Variants in RYR2 observed in about 807,000 individuals in gnomAD.
RYR2 encodes ryanodine receptor 2.
Under a neutral mutation model 601.1 loss-of-function variants are expected in RYR2, and 227 were observed. The observed-to-expected ratio is 0.38, with a 90% CI of 0.34 to 0.42. The LOEUF is 0.42. Among genes scored for constraint, RYR2 ranks in the 10% least tolerant of loss-of-function variants. The pLI is 1.00. For synonymous variants in RYR2, 2,223 were observed against 2,175.1 expected (o/e 1.02, Z -0.61); for missense variants, 4,646 against 6,156.5 (o/e 0.75, Z 8.21).
intron 1 of RYR2, among the ~76,000 whole-genome samples, chr1:237,253,856 C>T (rs1472998664): frequency 6.6e-6 from 1 of 152,094 alleles, no homozygotes; most frequent in Admixed American, 6.5e-5. Flanking sequence ...AGATGATAAT[C>T]AACATGTTAA....
chr1:237,683,239 G>T (rs1398813126), intron 62 of RYR2, among the ~76,000 whole-genome samples: 2 of 152,324 alleles, frequency 1.3e-5, no homozygotes, highest in African/African-American at 4.8e-5. Context: ...AGCAATAGTT[G>T]TGTGGGTTTG....
At chr1:237,744,782 T>A (rs1184460542) in intron 80 of RYR2, among the ~76,000 whole-genome samples, 1 of 151,724 alleles carries the variant, frequency 6.6e-6, no homozygotes, top group African/African-American at 2.4e-5. Flanking sequence ...GAAGAAACTA[T>A]TTTAAAATTC....
chr1:237,397,563 A>C (rs1256466830), intron 10 of RYR2, among the ~76,000 whole-genome samples: 1 of 152,158 alleles, frequency 6.6e-6, no homozygotes, highest in East Asian at 1.9e-4. Flanking sequence ...TTTAATCTGC[A>C]ACTTGTTAAA....
At chr1:237,546,847 G>A (rs931757127) in intron 25 of RYR2, among the ~76,000 whole-genome samples, 3 of 151,436 alleles carry the variant, frequency 2.0e-5, no homozygotes, top group Non-Finnish European at 4.4e-5. Flanking sequence ...ACTATTCTAG[G>A]TGCTGGGGGG....
intron 35 of RYR2, among the ~76,000 whole-genome samples, chr1:237,607,540 A>G (rs1037093674): frequency 1.4e-4 from 21 of 152,190 alleles, no homozygotes; most frequent in Non-Finnish European, 3.1e-4. Context: ...AAACCTGCAC[A>G]TTGTGCACAT....
chr1:237,442,281 A>G (rs1421679653), intron 13 of RYR2, among the ~76,000 whole-genome samples: 4 of 152,224 alleles, frequency 2.6e-5, no homozygotes, highest in South Asian at 2.1e-4. Flanking sequence ...TGGTTCTTCT[A>G]CTAGATTTAG....
rs72549416 is a variant in RYR2, at chr1:237,648,466, C to T, written c.7365C>T (p.Asp2455=). 5.4e-3 allele frequency: 8,679 copies of T among 1,608,896 alleles called. 19 individuals are homozygous for T. The highest frequency in any genetic ancestry group is 6.4e-3 in the Non-Finnish European group (7,573 of 1,177,404). The part of the protein sequence containing the change: ...IAKDGNVVEP[D]MSAGFCPDHK... ...TAGATGGGAATGTGGTGGAACCTGACATGTCTGCGGGGTTTTGCCCAGATC... is the reference window on the plus strand; with the variant it reads ...TAGATGGGAATGTGGTGGAACCTGATATGTCTGCGGGGTTTTGCCCAGATC... Residue 2455 remains aspartate, a synonymous_variant, in exon 49 of 105, where the codon GAC becomes GAT. Coordinates refer to ENST00000366574, the MANE Select transcript of RYR2 (RefSeq NM_001035.3).
chr1:237,672,354 G>A (rs929324220), intron 58 of RYR2, among the ~76,000 whole-genome samples: 2 of 152,152 alleles, frequency 1.3e-5, no homozygotes, highest in African/African-American at 4.8e-5. Flanking sequence ...AAATTAAGTT[G>A]CCAAATTAAT....
At chr1:237,449,144 G>C (rs1012392134) in intron 14 of RYR2, among the ~76,000 whole-genome samples, 1 of 152,082 alleles carries the variant, frequency 6.6e-6, no homozygotes, top group Non-Finnish European at 1.5e-5. Flanking sequence ...AGAACACTTT[G>C]TCATTGTCCC....
intron 98 of RYR2, chr1:237,802,287 T>A (rs1445020710): frequency 1.3e-5 from 2 of 159,300 alleles, no homozygotes; most frequent in Non-Finnish European, 2.7e-5. Context: ...ATTAAGTACA[T>A]TAACTTATGG....
At chr1:237,652,484 C>A (rs1036261850) in intron 51 of RYR2, among the ~76,000 whole-genome samples, 3 of 152,048 alleles carry the variant, frequency 2.0e-5, no homozygotes, top group African/African-American at 7.2e-5. Flanking sequence ...TCCCCAATGG[C>A]TACCCAGTAC....
At chr1:237,530,342 G>C in intron 24 of RYR2, 85 bp from the exon 25 acceptor site, 2 of 925,386 alleles carry the variant, frequency 2.2e-6, no homozygotes, top group South Asian at 2.9e-5. Flanking sequence ...TTTCAAGGTT[G>C]TATCTCATTG....
At chr1:237,516,552 C>T (rs562706243) in intron 24 of RYR2, among the ~76,000 whole-genome samples, 20 of 152,324 alleles carry the variant, frequency 1.3e-4, no homozygotes, top group Admixed American at 8.5e-4. Flanking sequence ...GCTGATACCT[C>T]CCCAAATATC....
intron 1 of RYR2, among the ~76,000 whole-genome samples, chr1:237,109,242 C>T (rs1572664559): frequency 1.3e-5 from 2 of 151,140 alleles, no homozygotes; most frequent in African/African-American, 4.9e-5. Context: ...GAAATAATTA[C>T]AGTCATAGGT....
At chr1:237,493,674 G>T (rs568087809) in intron 19 of RYR2, among the ~76,000 whole-genome samples, 2 of 152,232 alleles carry the variant, frequency 1.3e-5, no homozygotes, top group African/African-American at 4.8e-5. Flanking sequence ...GGATGGTCTC[G>T]AACTCCTGAC....
chr1:237,264,676 GTTTATTT>G (rs1450059113), intron 1 of RYR2, among the ~76,000 whole-genome samples: 2 of 150,728 alleles, frequency 1.3e-5, no homozygotes, highest in African/African-American at 4.9e-5. Context: ...AACAGACTCA[GTTTATTT>G]TTTATTATTA....
At chr1:237,594,904 T>TTG (rs1675683874) in intron 33 of RYR2, among the ~76,000 whole-genome samples, 6 of 52,648 alleles carry the variant, frequency 1.1e-4, no homozygotes, top group Middle Eastern at 7.8e-3. Flanking sequence ...TTTTTTTTTT[T>TTG]TTTTTTTTTT....
intron 12 of RYR2, among the ~76,000 whole-genome samples, chr1:237,426,131 A>G (rs763197675): frequency 2.8e-4 from 42 of 152,072 alleles, no homozygotes; most frequent in Non-Finnish European, 4.3e-4. Flanking sequence ...AATTCTGAAA[A>G]GACAGTATCC....
intron 2 of RYR2, among the ~76,000 whole-genome samples, chr1:237,294,274 G>A (rs1692526388): frequency 6.6e-6 from 1 of 152,046 alleles, no homozygotes; most frequent in Non-Finnish European, 1.5e-5. Flanking sequence ...CCATGTTCAT[G>A]GAGAGACTGA....
Sources: gnomAD v4.1 joint callset for allele counts (sites outside exome capture counted in the v4.1 genomes callset) on GRCh38, gnomAD v4.1.1 for gene constraint, MANE v1.5 for transcripts, NCBI Gene and HGNC (gene_info 2026-07-23, HGNC 2026-07-21) for gene names.